DYNC1LI1: variants seen among roughly 807,000 people sequenced by gnomAD.
DYNC1LI1 encodes dynein cytoplasmic 1 light intermediate chain 1.
Under a neutral mutation model 63.8 loss-of-function variants are expected in DYNC1LI1, and 19 were observed. The ratio of observed to expected loss-of-function variants is 0.30; its 90% confidence interval spans 0.21 to 0.44. The LOEUF is 0.44. Among genes scored for constraint, DYNC1LI1 ranks in the 20% least tolerant of loss-of-function variants. DYNC1LI1 has a pLI of 1.00. For missense variants in DYNC1LI1, 565 were observed against 630.2 expected, an observed-to-expected ratio of 0.90 and a Z score of 1.11; for synonymous variants, 225 against 232.3, an observed-to-expected ratio of 0.97 and a Z score of 0.28.
intron 4 of DYNC1LI1, among the ~76,000 whole-genome samples, chr3:32,543,023 A>G (rs1697903228): frequency 6.6e-6 from 1 of 152,200 alleles, no homozygotes; most frequent in Non-Finnish European, 1.5e-5. Context: ...GGCTTGTTAC[A>G]TCACAGATTA....
chr3:32,569,957 T>C (rs1698320461), intron 2 of DYNC1LI1, among the ~76,000 whole-genome samples: 2 of 152,354 alleles, frequency 1.3e-5, no homozygotes, highest in South Asian at 4.1e-4. Context: ...ATTAATGGCA[T>C]GCCATTTGCG....
At chr3:32,555,563 T>C (rs534151156) in intron 2 of DYNC1LI1, among the ~76,000 whole-genome samples, 12 of 152,352 alleles carry the variant, frequency 7.9e-5, no homozygotes, top group South Asian at 2.1e-4. Flanking sequence ...AACTTAACAT[T>C]TGGCCTCCTC....
At chr3:32,546,478 T>C (rs1023402081) in intron 2 of DYNC1LI1, among the ~76,000 whole-genome samples, 9 of 152,186 alleles carry the variant, frequency 5.9e-5, no homozygotes, top group African/African-American at 2.2e-4. Flanking sequence ...TTGTTAAATC[T>C]TGTCCTATCC....
At position 32,529,533 on chromosome 3, in the gene DYNC1LI1, G is replaced by C; in HGVS notation, c.1306+7C>G. On this transcript the variant is annotated splice_region_variant and intron_variant, in intron 11 of 12. Transcript: ENST00000273130. The stretch of plus-strand genomic sequence containing the variant: ...ATTGTCTTGTTATCTCCTAGAAAGA[G>C]ATGTACCTTTCATGTTTGGATCAAT... 2 of 1,602,776 alleles carry C rather than the reference G, an allele frequency of 1.2e-6. No individual in the cohort carries two copies. Among genetic ancestry groups the C allele is most frequent in the Non-Finnish European group, 1.7e-6 (2 of 1,174,034 alleles).
rs1559447234 is a variant in DYNC1LI1 at position 32,570,323 on chromosome 3, G to GGGGCGAGGCA, written c.220+13_220+22dup. 5.2e-6 allele frequency: 8 copies of GGGGCGAGGCA among 1,539,788 alleles called. No individual in the cohort carries two copies. In the Admixed American group the frequency reaches 1.5e-4, roughly 28 times the overall value. The stretch of plus-strand genomic sequence containing the variant: ...CGGGCCGCTGGGGGCCGGGCGGGGC[G>GGGGCGAGGCA]GGGCGAGGCAGGGAACACTTACCCA... On this transcript the variant is annotated intron_variant, in intron 2 of 12. Transcript: ENST00000273130.
At chr3:32,544,182 A>C (rs1317695726) in intron 4 of DYNC1LI1, among the ~76,000 whole-genome samples, 1 of 152,244 alleles carries the variant, frequency 6.6e-6, no homozygotes, top group Non-Finnish European at 1.5e-5. Flanking sequence ...TATGTACTTT[A>C]TAAATCATAA....
chr3:32,567,931 T>C (rs1698290812), intron 2 of DYNC1LI1, among the ~76,000 whole-genome samples: 1 of 152,156 alleles, frequency 6.6e-6, no homozygotes, highest in South Asian at 2.1e-4. Flanking sequence ...CTCTAACTCC[T>C]AACTTCAGGT....
intron 2 of DYNC1LI1, among the ~76,000 whole-genome samples, chr3:32,551,711 G>A (rs1021594101): frequency 6.6e-6 from 1 of 152,198 alleles, no homozygotes; most frequent in African/African-American, 2.4e-5. Context: ...AGTTGGCAGA[G>A]AGAAGAGGCA....
chr3:32,536,634 TA>T (rs754193635), intron 6 of DYNC1LI1, among the ~76,000 whole-genome samples: 3 of 152,090 alleles, frequency 2.0e-5, no homozygotes, highest in Non-Finnish European at 4.4e-5. Flanking sequence ...GACAACACAC[TA>T]AACAAATTAA....
chr3:32,543,066 G>A (rs927104735), intron 4 of DYNC1LI1, among the ~76,000 whole-genome samples: 3 of 152,126 alleles, frequency 2.0e-5, no homozygotes, highest in African/African-American at 7.2e-5. Flanking sequence ...CTAATTCAGT[G>A]GTCCAGGATG....
intron 11 of DYNC1LI1, among the ~76,000 whole-genome samples, chr3:32,528,958 C>T (rs901123835): frequency 5.3e-5 from 8 of 151,972 alleles, no homozygotes; most frequent in South Asian, 2.1e-4. Flanking sequence ...ATATGAAAAC[C>T]GGTAGAAGTT....
chr3:32,558,364 A>T (rs1406905105), intron 2 of DYNC1LI1, among the ~76,000 whole-genome samples: 1 of 151,042 alleles, frequency 6.6e-6, no homozygotes, highest in East Asian at 1.9e-4. Context: ...GGTCTCTGTC[A>T]CACATTTTTT....
intron 7 of DYNC1LI1, 59 bp downstream of exon 7, chr3:32,534,452 T>C: frequency 1.6e-6 from 2 of 1,267,692 alleles, no homozygotes; most frequent in South Asian, 2.7e-5. Flanking sequence ...AAATAATGAT[T>C]CACCATCAAA....
At chr3:32,548,822 T>C (rs1000017978) in intron 2 of DYNC1LI1, among the ~76,000 whole-genome samples, 1 of 152,170 alleles carries the variant, frequency 6.6e-6, no homozygotes, top group Non-Finnish European at 1.5e-5. Flanking sequence ...ATAATGCATA[T>C]ATATACTCTA....
rs1225749137 is a variant in DYNC1LI1, at chr3:32,526,272, T to C, written c.*527A>G. The C allele has an allele frequency of 6.5e-6, 1 of 152,800 alleles. No homozygotes were observed. Among genetic ancestry groups the C allele is most frequent in the East Asian group, 1.9e-4 (1 of 5,204 alleles). 9.5% of individuals were successfully genotyped at this position (152,800 alleles called of 1,614,324 possible). A position where few individuals can be genotyped will look rare whatever the true frequency, so the allele number is the denominator to read the frequency against. On this transcript the variant is annotated 3_prime_UTR_variant, in exon 13 of 13. Transcript: ENST00000273130. ...ACAATGACTAGTGTATCAAACGCTA[T>C]CTGATAGTTTTCTTAGCATATTCCG...
intron 5 of DYNC1LI1, among the ~76,000 whole-genome samples, chr3:32,539,641 T>A (rs943336422): frequency 8.6e-5 from 13 of 151,570 alleles, no homozygotes; most frequent in Admixed American, 7.9e-4. Context: ...GTTCACGCCA[T>A]TCTCCTGCCT....
At chr3:32,548,262 C>T (rs1575155186) in intron 2 of DYNC1LI1, among the ~76,000 whole-genome samples, 1 of 152,194 alleles carries the variant, frequency 6.6e-6, no homozygotes, top group East Asian at 1.9e-4. Flanking sequence ...GCAGTGCCGG[C>T]ATTAGATTCT....
chr3:32,543,932 G>A (rs952730325), intron 4 of DYNC1LI1, among the ~76,000 whole-genome samples: 4 of 151,318 alleles, frequency 2.6e-5, no homozygotes, highest in African/African-American at 9.7e-5. Flanking sequence ...CAGGCATGGT[G>A]GTACGTGCCT....
Position 32,529,579 on chromosome 3 carries a change from T to C in DYNC1LI1, c.1267A>G (p.Ile423Val). ...TCAATTTTTTTTGACCCAGCAGGAA[T>C]GGGTGACACGCTGGCAACATTAGAT... Reference protein sequence around the residue: ...VSSNVASVSPIPAGSKKIDPN... With the variant: ...VSSNVASVSPVPAGSKKIDPN... Residue 423 changes from isoleucine (I) to valine (V), a missense_variant, in exon 11 of 13, where the codon ATT (isoleucine) becomes GTT (valine). Physicochemically the swap from Ile to Val is conservative, Grantham distance 29. Transcript: ENST00000273130. 6.2e-7 allele frequency: 1 copy of C among 1,609,380 alleles called. No individual in the cohort carries two copies. The highest frequency in any genetic ancestry group is 8.5e-7 in the Non-Finnish European group (1 of 1,177,918).
Sources: gnomAD v4.1 joint callset for allele counts (sites outside exome capture counted in the v4.1 genomes callset) on GRCh38, gnomAD v4.1.1 for gene constraint, MANE v1.5 for transcripts, NCBI Gene and HGNC (gene_info 2026-07-23, HGNC 2026-07-21) for gene names.